Variants in CHLSN observed in about 807,000 individuals in gnomAD.
CHLSN encodes the protein cholesin.
the CHLSN span, among the ~76,000 whole-genome samples, chr7:1,046,409 C>T: frequency 6.6e-6 from 1 of 152,210 alleles, no homozygotes; most frequent in Non-Finnish European, 1.5e-5. Flanking sequence ...TTCCCTCCTG[C>T]CTGCCAGCTC....
the CHLSN span, chr7:987,131 G>T: frequency 6.4e-7 from 1 of 1,567,132 alleles, no homozygotes. Context: ...GGGCCTGTTT[G>T]CTGAGGCCAA....
the CHLSN span, chr7:986,502 C>G: frequency 8.4e-7 from 1 of 1,184,544 alleles, no homozygotes; most frequent in East Asian, 2.4e-5. Flanking sequence ...TCTGTGGCCG[C>G]CTCCAGCACA....
At chr7:1,120,003 TAA>T in the CHLSN span, among the ~76,000 whole-genome samples, 5 of 151,436 alleles carry the variant, frequency 3.3e-5, no homozygotes, top group African/African-American at 1.2e-4. Flanking sequence ...CTAAAAAATA[TAA>T]AAGAGAAGCA....
At chr7:1,105,318 A>T in the CHLSN span, among the ~76,000 whole-genome samples, 1 of 152,236 alleles carries the variant, frequency 6.6e-6, no homozygotes, top group Admixed American at 6.5e-5. Flanking sequence ...CAGGAGACCC[A>T]GGGTGCTGGC....
chr7:1,108,578 G>A, the CHLSN span, among the ~76,000 whole-genome samples: 1 of 152,208 alleles, frequency 6.6e-6, no homozygotes, highest in East Asian at 1.9e-4. Context: ...CTGTGCGGAT[G>A]GCTTTCTATC....
the CHLSN span, among the ~76,000 whole-genome samples, chr7:1,015,623 G>A: frequency 6.6e-6 from 1 of 152,174 alleles, no homozygotes; most frequent in African/African-American, 2.4e-5. Flanking sequence ...GGAGGACCCA[G>A]GACTGACCCA....
At chr7:1,020,205 A>G in the CHLSN span, among the ~76,000 whole-genome samples, 2 of 152,146 alleles carry the variant, frequency 1.3e-5, no homozygotes, top group African/African-American at 4.8e-5. Flanking sequence ...CACGCCGCGG[A>G]GTGCATTCCC....
At chr7:1,066,917 T>C in the CHLSN span, among the ~76,000 whole-genome samples, 20 of 115,844 alleles carry the variant, frequency 1.7e-4, no homozygotes, top group African/African-American at 6.8e-4. Flanking sequence ...GAGGCTGGAG[T>C]GCACCCAGAG....
At chr7:1,126,359 C>CAAAAAAAAAAAA in the CHLSN span, among the ~76,000 whole-genome samples, 2 of 40,508 alleles carry the variant, frequency 4.9e-5, no homozygotes, top group African/African-American at 1.6e-4. Flanking sequence ...GACTCTGTCT[C>CAAAAAAAAAAAA]AAAAAAAAAA....
At chr7:1,020,523 C>T in the CHLSN span, among the ~76,000 whole-genome samples, 2 of 152,232 alleles carry the variant, frequency 1.3e-5, no homozygotes, top group African/African-American at 4.8e-5. Context: ...CTGGCGGATA[C>T]CACACACAAG....
the CHLSN span, among the ~76,000 whole-genome samples, chr7:1,068,679 C>T: frequency 2.1e-4 from 32 of 152,220 alleles, no homozygotes; most frequent in Admixed American, 2.0e-3. Context: ...TCACCTGACC[C>T]AAAAACTTTT....
chr7:1,024,830 C>G, the CHLSN span: 1 of 152,242 alleles, frequency 6.6e-6, no homozygotes, highest in Non-Finnish European at 1.5e-5. Flanking sequence ...AGACTTGATG[C>G]ACACTCCACC....
At chr7:987,011 C>A in the CHLSN span, 1 of 1,406,410 alleles carries the variant, frequency 7.1e-7, no homozygotes, top group Non-Finnish European at 9.3e-7. Context: ...CCCAGATCAC[C>A]GGGGCATCCA....
chr7:1,104,908 T>C, the CHLSN span, among the ~76,000 whole-genome samples: 2 of 152,242 alleles, frequency 1.3e-5, no homozygotes, highest in Non-Finnish European at 1.5e-5. Flanking sequence ...GAGTGAATGT[T>C]ATAATGAAAT....
the CHLSN span, among the ~76,000 whole-genome samples, chr7:1,102,728 G>T: frequency 2.6e-5 from 4 of 152,354 alleles, no homozygotes; most frequent in South Asian, 8.3e-4. Context: ...AGGGTGGGCC[G>T]CCCGCAGGCA....
chr7:987,610 G>A, the CHLSN span: 1,084 of 1,351,164 alleles, frequency 8.0e-4, 7 homozygotes, highest in African/African-American at 0.014. Context: ...TGGGACGGCT[G>A]AGCGTCTGGT....
the CHLSN span, among the ~76,000 whole-genome samples, chr7:1,070,445 C>CCTCTGCCCGGCCAG: frequency 2.5e-5 from 3 of 121,566 alleles, no homozygotes; most frequent in African/African-American, 7.9e-5. Flanking sequence ...GTGAGGAGCC[C>CCTCTGCCCGGCCAG]CTCTGCCCGG....
chr7:1,057,494 T>C, the CHLSN span: 1 of 748,092 alleles, frequency 1.3e-6, no homozygotes, highest in Non-Finnish European at 2.5e-6. Context: ...TTCCGCAGGG[T>C]CGCGGAGCCT....
At chr7:1,066,747 G>A in the CHLSN span, among the ~76,000 whole-genome samples, 8 of 152,340 alleles carry the variant, frequency 5.3e-5, no homozygotes, top group East Asian at 1.9e-4. Context: ...CCTCCAGCCC[G>A]GCACGAGGGA....
Sources: gnomAD v4.1 joint callset for allele counts (sites outside exome capture counted in the v4.1 genomes callset) on GRCh38, gnomAD v4.1.1 for gene constraint, MANE v1.5 for transcripts, NCBI Gene and HGNC (gene_info 2026-07-23, HGNC 2026-07-21) for gene names.